Variants in CXCL13 observed in about 807,000 individuals in gnomAD.
CXCL13 encodes the protein C-X-C motif chemokine 13.
A neutral mutation model predicts 12.2 loss-of-function variants in CXCL13; 7 were observed. The observed-to-expected ratio is 0.57, with a 90% CI of 0.33 to 1.07. CXCL13 has a LOEUF of 1.07. Among genes scored for constraint, CXCL13 ranks in the 50% least tolerant of loss-of-function variants. CXCL13 has a pLI of 0.04. For synonymous variants in CXCL13, 47 were observed against 42.4 expected, an observed-to-expected ratio of 1.11 and a Z score of -0.42; for missense variants, 113 against 127.4, an observed-to-expected ratio of 0.89 and a Z score of 0.55.
At position 77,605,864 on chromosome 4, in the gene CXCL13, G is replaced by A; in HGVS notation, c.-2G>A. On this transcript the variant is annotated 5_prime_UTR_variant, in exon 1 of 4. Transcript: ENST00000682537. ...CAAGTCTGAACTCTACCTCCAGACA[G>A]AATGAAGTTCATCTCGACATCTCTG... 3 of 1,603,812 alleles carry A rather than the reference G, an allele frequency of 1.9e-6. No homozygotes were observed. Among genetic ancestry groups the A allele is most frequent in the Non-Finnish European group, 1.7e-6 (2 of 1,173,308 alleles).
At chr4:77,522,292 T>A (rs114915886) in intron 1 of CXCL13, among the ~76,000 whole-genome samples, 3,423 of 152,050 alleles carry the variant, frequency 0.023, 47 homozygotes, top group South Asian at 0.03. Context: ...GGTGTTAAAG[T>A]CTTCCATCAT....
chr4:77,565,367 G>A (rs949719581), intron 1 of CXCL13, among the ~76,000 whole-genome samples: 1 of 152,128 alleles, frequency 6.6e-6, no homozygotes, highest in African/African-American at 2.4e-5. Context: ...TTCAACCTGG[G>A]TCAGTGAAGA....
Position 77,568,088 on chromosome 4 carries a change from C to G in CXCL13, c.-42-37736C>G, listed in dbSNP as rs111622775. 5.7e-3 allele frequency among the ~76,000 whole-genome samples: 864 copies of G among 152,318 alleles called. 8 individuals carry two copies. Among genetic ancestry groups the G allele is most frequent in the African/African-American group, 0.018 (749 of 41,584 alleles). On this transcript the variant is annotated intron_variant, in intron 1 of 4. Transcript: ENST00000286758. ...GCTGAACCCCAATTCTGGAGTTAACCCTGTGACATCATTTCTGGTAACACA... is the reference window on the plus strand; with the variant it reads ...GCTGAACCCCAATTCTGGAGTTAACGCTGTGACATCATTTCTGGTAACACA...
At chr4:77,529,590 G>A (rs1274248537) in intron 1 of CXCL13, among the ~76,000 whole-genome samples, 2 of 152,126 alleles carry the variant, frequency 1.3e-5, no homozygotes, top group Non-Finnish European at 2.9e-5. Context: ...TGTTATTGGT[G>A]TATAAGAATG....
At chr4:77,603,365 A>G (rs1379960650), upstream of CXCL13, among the ~76,000 whole-genome samples, 1 of 152,238 alleles carries the variant, frequency 6.6e-6, no homozygotes, top group African/African-American at 2.4e-5. Context: ...CTATTAATAG[A>G]AGAATAGTGC....
At position 77,573,530 on chromosome 4, in the gene CXCL13, T is replaced by C. The variant is rs182711229; in HGVS notation, c.-42-32294T>C. On this transcript the variant is annotated intron_variant, in intron 1 of 4. Transcript: ENST00000286758. ...AAAGAAGTCCAAGCATTTTTCAAGT[T>C]CACATGACTTAAGTTCACTAAAATT... Among the ~76,000 whole-genome samples the C allele has an allele frequency of 7.2e-5, 11 of 151,930 alleles. No homozygotes were observed. The East Asian group carries it at 2.1e-3, about 29-fold the overall frequency.
intron 1 of CXCL13, among the ~76,000 whole-genome samples, chr4:77,525,273 C>T (rs1447613849): frequency 6.6e-6 from 1 of 152,224 alleles, no homozygotes; most frequent in Non-Finnish European, 1.5e-5. Flanking sequence ...ATGTGTGTAA[C>T]AAAGTGTTTA....
chr4:77,521,197 G>T (rs1240783838), intron 1 of CXCL13, among the ~76,000 whole-genome samples: 1 of 152,146 alleles, frequency 6.6e-6, no homozygotes, highest in Non-Finnish European at 1.5e-5. Flanking sequence ...TTGTGTCTCT[G>T]CCAGGCTTTG....
At chr4:77,604,669 C>T (rs1726959463), upstream of CXCL13, among the ~76,000 whole-genome samples, 2 of 152,124 alleles carry the variant, frequency 1.3e-5, no homozygotes, top group Non-Finnish European at 1.5e-5. Context: ...CCTGTCACTG[C>T]GTTCAGGCTG....
rs969485662 is a variant in CXCL13, at chr4:77,579,398, G to A, written c.-42-26426G>A. 5.3e-5 allele frequency among the ~76,000 whole-genome samples: 8 copies of A among 152,198 alleles called. No homozygotes were observed. The East Asian group carries it at 5.8e-4, about 11-fold the overall frequency. On this transcript the variant is annotated intron_variant, in intron 1 of 4. Transcript: ENST00000286758. ...GCTCACCCCACTAAGGATGCAGGCC[G>A]TTTGCCTCCCAAAGGTTGTCCTTTA...
intron 1 of CXCL13, among the ~76,000 whole-genome samples, chr4:77,564,301 G>C (rs899368409): frequency 3.3e-5 from 5 of 152,132 alleles, no homozygotes; most frequent in African/African-American, 9.7e-5. Flanking sequence ...GGAAAGCCGT[G>C]GTATCAGGAC....
chr4:77,569,427 C>T (rs569742002), intron 1 of CXCL13, among the ~76,000 whole-genome samples: 1 of 152,294 alleles, frequency 6.6e-6, no homozygotes, highest in East Asian at 1.9e-4. Flanking sequence ...ACACAGGTTA[C>T]CAAATCAATG....
At chr4:77,533,904 G>A (rs1724992621) in intron 1 of CXCL13, among the ~76,000 whole-genome samples, 1 of 152,238 alleles carries the variant, frequency 6.6e-6, no homozygotes, top group African/African-American at 2.4e-5. Context: ...TAGGGTGAGA[G>A]TGACCCAATT....
At chr4:77,520,969 A>G (rs2110080049) in intron 1 of CXCL13, among the ~76,000 whole-genome samples, 1 of 152,302 alleles carries the variant, frequency 6.6e-6, no homozygotes, top group East Asian at 1.9e-4. Flanking sequence ...ATCCATTGAG[A>G]TAATCATGTG....
chr4:77,609,855 T>C (rs1334815882), intron 2 of CXCL13, among the ~76,000 whole-genome samples: 1 of 152,240 alleles, frequency 6.6e-6, no homozygotes, highest in Admixed American at 6.5e-5. Context: ...TTCTGTATCA[T>C]GTATTTGTTG....
intron 1 of CXCL13, among the ~76,000 whole-genome samples, chr4:77,579,947 T>C (rs1156623318): frequency 6.6e-6 from 1 of 152,182 alleles, no homozygotes; most frequent in Non-Finnish European, 1.5e-5. Flanking sequence ...GTGATATTTA[T>C]CATTCCTAAC....
upstream of CXCL13, among the ~76,000 whole-genome samples, chr4:77,603,907 A>T (rs1233641691): frequency 6.6e-6 from 1 of 152,146 alleles, no homozygotes. Flanking sequence ...TGGAATTCCT[A>T]TTATCCTCAT....
chr4:77,534,040 C>T (rs914484906), intron 1 of CXCL13, among the ~76,000 whole-genome samples: 2 of 152,172 alleles, frequency 1.3e-5, no homozygotes, highest in Non-Finnish European at 2.9e-5. Flanking sequence ...CACCCTCTGT[C>T]CTGCACCCAC....
At chr4:77,518,660 A>C (rs1724493628) in intron 1 of CXCL13, among the ~76,000 whole-genome samples, 1 of 152,034 alleles carries the variant, frequency 6.6e-6, no homozygotes, top group African/African-American at 2.4e-5. Context: ...TCCTTTAAGC[A>C]CTTCTCTATA....
Sources: gnomAD v4.1 joint callset for allele counts (sites outside exome capture counted in the v4.1 genomes callset) on GRCh38, gnomAD v4.1.1 for gene constraint, MANE v1.5 for transcripts, NCBI Gene and HGNC (gene_info 2026-07-23, HGNC 2026-07-21) for gene names.